HORMAD2: variants seen among roughly 807,000 people sequenced by gnomAD.
HORMAD2 encodes HORMA domain-containing protein 2.
In HORMAD2, 45 loss-of-function variants were observed where a neutral mutation model predicts 38.8. That is an observed-to-expected ratio of 1.16 (90% CI 0.91 to 1.49). The LOEUF (loss-of-function observed/expected upper bound fraction) is 1.49, where lower values mean the gene tolerates loss of function less well. HORMAD2 is among the 40% of genes most tolerant of loss of function. The pLI is 0.00. For missense variants in HORMAD2, 338 were observed against 367.0 expected, an observed-to-expected ratio of 0.92 and a Z score of 0.65; for synonymous variants, 126 against 122.8, an observed-to-expected ratio of 1.03 and a Z score of -0.17.
chr22:30,193,191 C>T, the HORMAD2 span, among the ~76,000 whole-genome samples: 3 of 152,060 alleles, frequency 2.0e-5, no homozygotes, highest in Admixed American at 6.6e-5. Flanking sequence ...GAAAAGAGAC[C>T]GAGGCCTTTT....
chr22:30,107,657 G>A (rs1049045036), intron 5 of HORMAD2, among the ~76,000 whole-genome samples: 1 of 151,966 alleles, frequency 6.6e-6, no homozygotes, highest in Non-Finnish European at 1.5e-5. Context: ...GGCTGAGGCA[G>A]GAGAATTGCT....
At chr22:30,119,105 C>T (rs1369375367) in intron 8 of HORMAD2, 58 bp downstream of exon 8, 2 of 1,190,614 alleles carry the variant, frequency 1.7e-6, no homozygotes, top group East Asian at 2.5e-5. Context: ...TAAACATAAG[C>T]TTCTTGAGGC....
chr22:30,106,027 G>A (rs1724580421), intron 5 of HORMAD2, among the ~76,000 whole-genome samples: 1 of 152,092 alleles, frequency 6.6e-6, no homozygotes, highest in Admixed American at 6.5e-5. Context: ...TTTTGTGAGT[G>A]TGTGGCAGAG....
chr22:30,083,511 G>C (rs1320724202), intron 1 of HORMAD2, among the ~76,000 whole-genome samples: 1 of 152,210 alleles, frequency 6.6e-6, no homozygotes, highest in Non-Finnish European at 1.5e-5. Flanking sequence ...CTGTGAACTT[G>C]TGAGCTTTTA....
At chr22:30,145,888 C>T (rs948868259) in intron 10 of HORMAD2, among the ~76,000 whole-genome samples, 2 of 152,008 alleles carry the variant, frequency 1.3e-5, no homozygotes, top group African/African-American at 4.8e-5. Context: ...TTTATGAGGC[C>T]AGAATTACCC....
In HORMAD2 at chr22:30,122,177, G is replaced by T. The variant is rs181903593; in HGVS notation, c.782G>T (p.Gly261Val). The T allele has an allele frequency of 5.0e-6, 8 of 1,613,320 alleles. No homozygotes were observed. Among genetic ancestry groups the T allele is most frequent in the Admixed American group, 1.7e-5 (1 of 59,878 alleles). The change falls in exon 10 of 11, where the codon GGT becomes GTT. Residue 261 changes from glycine (G) to valine (V), a missense_variant. Transcript: ENST00000336726. ...ENSTTEIAHQGLDCDEEEECN... is the reference protein window; with the variant it reads ...ENSTTEIAHQVLDCDEEEECN... ...AGCACTACTGAGATCGCCCATCAGG[G>T]TCTAGACTGTGATGAGGAAGAAGAA...
chr22:30,147,039 C>T (rs936532618), intron 10 of HORMAD2, among the ~76,000 whole-genome samples: 44 of 152,082 alleles, frequency 2.9e-4, no homozygotes, highest in Admixed American at 2.2e-3. Context: ...GAGAAATTAA[C>T]GAAGACTTAA....
At chr22:30,146,576 T>C (rs1924434220) in intron 10 of HORMAD2, among the ~76,000 whole-genome samples, 1 of 152,010 alleles carries the variant, frequency 6.6e-6, no homozygotes. Flanking sequence ...TAAAAGACAT[T>C]TACAAAGAAC....
intron 10 of HORMAD2, among the ~76,000 whole-genome samples, chr22:30,139,956 T>C (rs1462009983): frequency 9.3e-6 from 1 of 107,088 alleles, no homozygotes; most frequent in Non-Finnish European, 1.6e-5. Flanking sequence ...TACGTGTATC[T>C]GTGTGTGTGT....
the HORMAD2 span, among the ~76,000 whole-genome samples, chr22:30,187,426 T>C: frequency 6.6e-6 from 1 of 152,120 alleles, no homozygotes; most frequent in African/African-American, 2.4e-5. Context: ...TAATATCTGC[T>C]TATGGCAAAA....
At chr22:30,199,214 C>A in the HORMAD2 span, among the ~76,000 whole-genome samples, 1 of 152,324 alleles carries the variant, frequency 6.6e-6, no homozygotes, top group African/African-American at 2.4e-5. Context: ...CAGAACTAGC[C>A]AAAGAAACGC....
chr22:30,092,355 T>C (rs2068706372), intron 1 of HORMAD2, among the ~76,000 whole-genome samples: 1 of 151,386 alleles, frequency 6.6e-6, no homozygotes, highest in South Asian at 2.1e-4. Flanking sequence ...CTTTTTTTTT[T>C]TTTTTTTGGC....
At chr22:30,181,024 C>A (rs997742260), downstream of HORMAD2, among the ~76,000 whole-genome samples, 3 of 141,656 alleles carry the variant, frequency 2.1e-5, no homozygotes, top group Non-Finnish European at 4.6e-5. Flanking sequence ...ACCCTACCCT[C>A]CCTCCCTCTC....
the HORMAD2 span, among the ~76,000 whole-genome samples, chr22:30,182,387 T>C: frequency 5.9e-5 from 9 of 152,188 alleles, no homozygotes; most frequent in Non-Finnish European, 8.8e-5. Flanking sequence ...GTCTTTTCAG[T>C]ATGTGGAGGG....
chr22:30,122,319 T>G, intron 10 of HORMAD2, 105 bp downstream of exon 10: 1 of 1,091,972 alleles, frequency 9.2e-7, no homozygotes, highest in Non-Finnish European at 1.3e-6. Context: ...CTATAAAAAC[T>G]GAAACAAAAC....
At chr22:30,197,186 G>A in the HORMAD2 span, among the ~76,000 whole-genome samples, 3 of 152,058 alleles carry the variant, frequency 2.0e-5, no homozygotes, top group African/African-American at 4.8e-5. Flanking sequence ...GGGGTTGGAT[G>A]TGAAAAGGGT....
At chr22:30,155,220 TGCCAGCCTTCTCCAC>T (rs1182725903) in intron 10 of HORMAD2, among the ~76,000 whole-genome samples, 2 of 152,210 alleles carry the variant, frequency 1.3e-5, no homozygotes, top group Non-Finnish European at 1.5e-5. Context: ...AGGTGGTGTC[TGCCAGCCTTCTCCAC>T]TGTAAAGTTA....
intron 10 of HORMAD2, among the ~76,000 whole-genome samples, chr22:30,131,168 T>C (rs1033566589): frequency 6.6e-6 from 1 of 152,168 alleles, no homozygotes; most frequent in African/African-American, 2.4e-5. Flanking sequence ...GTTTAAATGC[T>C]AAGGAAAAAG....
chr22:30,121,589 A>C (rs371324321), intron 8 of HORMAD2, 43 bp from the exon 9 acceptor site: 1 of 1,452,286 alleles, frequency 6.9e-7, no homozygotes, highest in Non-Finnish European at 9.1e-7. Flanking sequence ...ATAGATTGCC[A>C]CTATTGTATA....
Sources: allele counts gnomAD v4.1 joint callset (sites outside exome capture counted in the v4.1 genomes callset), GRCh38; gene constraint gnomAD v4.1.1; transcripts MANE v1.5; gene names NCBI Gene and HGNC (gene_info 2026-07-23, HGNC 2026-07-21).